The following PKD1 variants were observed in gnomAD, a reference collection of about 807,000 sequenced individuals.
PKD1 encodes the protein polycystin-1.
In PKD1, 81 loss-of-function variants were observed where a neutral mutation model predicts 361.7. The ratio of observed to expected loss-of-function variants is 0.22; its 90% CI spans 0.19 to 0.27. The LOEUF (loss-of-function observed/expected upper bound fraction) is 0.27, where lower values mean the gene tolerates loss of function less well. Among genes scored for constraint, PKD1 ranks in the 10% least tolerant of loss-of-function variants. PKD1 has a pLI of 1.00. For synonymous variants in PKD1, 3,615 were observed against 2,818.3 expected (o/e 1.28, Z -8.95); for missense variants, 6,399 against 6,118.3 (o/e 1.05, Z -1.53).
chr16:2,116,043 G>A lies in PKD1; in HGVS notation c.1798C>T (p.Arg600Trp), dbSNP rs773433966. 3.5e-5 allele frequency: 50 copies of A among 1,409,106 alleles called. No homozygotes were observed. Among genetic ancestry groups the A allele is most frequent in the Middle Eastern group, 2.7e-4 (1 of 3,664 alleles). 87.3% of individuals were successfully genotyped at this position (1,409,106 alleles called of 1,614,324 possible). A position where few individuals can be genotyped will look rare whatever the true frequency, so the allele number is the denominator to read the frequency against. The change falls in exon 9 of 46, where the codon CGG becomes TGG. Residue 600 changes from arginine (R) to tryptophan (W), a missense_variant. Arg to Trp is a moderately radical substitution (Grantham distance 101, BLOSUM62 -3). Coordinates refer to ENST00000262304, the MANE Select transcript of PKD1 (RefSeq NM_001009944.3). ...TGCAGCCGCAGCTGGGCGGGCCGCC[G>A]GAGCTCCTGGGTCCCAAATTCGGCC... Reference protein sequence around the residue: ...TTAEFGTQELRRPAQLRLQVY... With the variant: ...TTAEFGTQELWRPAQLRLQVY...
At chr16:2,093,169 C>A (rs1024653899) in intron 37 of PKD1, 76 bp from the exon 38 acceptor site, 1 of 1,559,486 alleles carries the variant, frequency 6.4e-7, no homozygotes, top group Non-Finnish European at 8.8e-7. Flanking sequence ...ACGGCTGGAG[C>A]CATGGCTGCG....
chr16:2,090,028 A>G lies in PKD1; in HGVS notation c.12611T>C (p.Leu4204Pro). 1.2e-6 allele frequency: 2 copies of G among 1,610,824 alleles called. No individual in the cohort carries two copies. Among genetic ancestry groups the G allele is most frequent in the Non-Finnish European group, 1.7e-6 (2 of 1,179,242 alleles). ...LDGLSVSLGR[L>P]GTRCEPEPSR... ...GGGCTCAGGCTCACACCTTGTCCCCAGCCGGCCCAGGCTCACGCTCAGCCC... is the reference window on the plus strand; with the variant it reads ...GGGCTCAGGCTCACACCTTGTCCCCGGCCGGCCCAGGCTCACGCTCAGCCC... Residue 4204 changes from leucine to proline, a missense_variant, in exon 46 of 46, where the codon CTG becomes CCG. Coordinates refer to ENST00000262304, the MANE Select transcript of PKD1 (RefSeq NM_001009944.3).
intron 6 of PKD1, among the ~76,000 whole-genome samples, 181 bp from the exon 7 acceptor site, chr16:2,117,234 G>C (rs553027652): frequency 1.1e-4 from 16 of 152,304 alleles, no homozygotes; most frequent in Admixed American, 8.5e-4. Flanking sequence ...CGGGGCCTGT[G>C]GGTACCGGCA....
At position 2,097,245 on chromosome 16, in the gene PKD1, G is replaced by C. The variant is rs151095649; in HGVS notation, c.10406-4C>G. 6.1e-5 allele frequency: 97 copies of C among 1,591,888 alleles called. 1 individual carries two copies. The South Asian group carries it at 9.7e-4, about 16-fold the overall frequency. On this transcript the variant is annotated splice_polypyrimidine_tract_variant and splice_region_variant and intron_variant, in intron 33 of 45. Coordinates refer to ENST00000262304, the MANE Select transcript of PKD1 (RefSeq NM_001009944.3). ...ACCTGCTGGATCAGGTCTTCATCTA[G>C]AGGTACAGGAGGCATAGGGTGGGCC...
In PKD1 at chr16:2,093,555, C is replaced by A; in HGVS notation, c.11005G>T (p.Gly3669Cys). 1 of 1,602,724 alleles carries A rather than the reference C, an allele frequency of 6.2e-7. No homozygotes were observed. Among genetic ancestry groups the A allele is most frequent in the Admixed American group, 1.7e-5 (1 of 58,788 alleles). The change falls in exon 37 of 46, where the codon GGC (glycine) becomes TGC (cysteine). Residue 3669 changes from glycine (G) to cysteine (C), a missense_variant. Physicochemically the swap from Gly to Cys is radical, Grantham distance 159. Transcript: ENST00000262304. ...EEARKVKRLH[G>C]MLRSLLVYML... is the part of the protein sequence containing the mutation. ...GCACCCAGGCTCACCCGCAGCATGC[C>A]ATGTAGCCTCTTGACCTTGCGGGCT... is the stretch of plus-strand genomic sequence containing the variant.
At position 2,106,761 on chromosome 16, in the gene PKD1, A is replaced by G; in HGVS notation, c.7209+44T>C. The G allele has an allele frequency of 6.7e-7, 1 of 1,501,600 alleles. No homozygotes were observed. 93.0% of individuals were successfully genotyped at this position (1,501,600 alleles called of 1,614,324 possible). A position where few individuals can be genotyped will look rare whatever the true frequency, so the allele number is the denominator to read the frequency against. ...GCCTGCAGGCCCCGTCCCCTCGGCC[A>G]TGGGACCCATCCCCAGCCCGCCCAC... On this transcript the variant is annotated intron_variant, in intron 17 of 45. Coordinates refer to ENST00000262304, the MANE Select transcript of PKD1 (RefSeq NM_001009944.3). This position sits in a 1 kb window ranked among gnomAD's most constrained non-coding sequence, Gnocchi z 6.5.
Position 2,103,554 on chromosome 16 carries a change from G to A in PKD1, c.8503C>T (p.Pro2835Ser), listed in dbSNP as rs768711016. 2.2e-5 allele frequency: 36 copies of A among 1,609,632 alleles called. No homozygotes were observed. The highest frequency in any genetic ancestry group is 4.4e-5 in the South Asian group (4 of 91,000). The change falls in exon 23 of 46, where the codon CCC becomes TCC. Residue 2835 changes from proline to serine, a missense_variant. By Grantham distance (74) the Pro-to-Ser change is moderately conservative (BLOSUM62 -1). Coordinates refer to ENST00000262304, the MANE Select transcript of PKD1 (RefSeq NM_001009944.3). ...LIFLVDSNPF[P>S]FGYISNYTVS... The stretch of plus-strand genomic sequence containing the variant: ...GTGTAGTTGCTGATATAGCCAAAGG[G>A]AAAGGGATTGGAGTCCACCAGAAAG...
In PKD1 at chr16:2,105,364, C is replaced by T. The variant is rs1313773261; in HGVS notation, c.7974G>A (p.Val2658=). 1.3e-6 allele frequency: 2 copies of T among 1,591,946 alleles called. No individual in the cohort carries two copies. The highest frequency in any genetic ancestry group is 1.3e-5 in the African/African-American group (1 of 74,342). The change falls in exon 21 of 46, where the codon GTG becomes GTA. Residue 2658 remains valine, a synonymous_variant. Transcript: ENST00000262304. The part of the protein sequence containing the change: ...ETLVSLRVHT[V]DDIQQIAAAL... ...CAGCAGCGATCTGCTGGATGTCATC[C>T]ACAGTGTGGACCCTCAGGGACACCA...
intron 21 of PKD1, 76 bp downstream of exon 21, chr16:2,105,246 C>G (rs2092297462): frequency 1.8e-5 from 27 of 1,479,882 alleles, no homozygotes; most frequent in Non-Finnish European, 2.5e-5. Context: ...GGCCAAGCTG[C>G]CCGTCTGCCC....
At chr16:2,090,860 C>T (rs1468902767) in intron 43 of PKD1, 24 bp downstream of exon 43, 12 of 1,607,882 alleles carry the variant, frequency 7.5e-6, no homozygotes, top group Non-Finnish European at 1.0e-5. Flanking sequence ...CGCCCAGCCC[C>T]GCGCCCACCG....
At position 2,091,864 on chromosome 16, in the gene PKD1, G is replaced by GC. The variant is rs1567153194; in HGVS notation, c.11453dup (p.Tyr3819LeufsTer142). ...GGCTCAGGCCCAGCTCCTGCACGTAGCCCCCGCTGTCATACACGGCACAGG... is the reference window on the plus strand; with the variant it reads ...GGCTCAGGCCCAGCTCCTGCACGTAGCCCCCCGCTGTCATACACGGCACAGG... On this transcript the variant is annotated frameshift_variant, in exon 41 of 46. Coordinates refer to ENST00000262304, the MANE Select transcript of PKD1 (RefSeq NM_001009944.3). LOFTEE classifies it high-confidence loss of function. The GC allele has an allele frequency of 6.2e-7, 1 of 1,610,788 alleles. No homozygotes were observed. The highest frequency in any genetic ancestry group is 8.5e-7 in the Non-Finnish European group (1 of 1,179,336).
chr16:2,127,644 G>A (rs1434750783), intron 1 of PKD1, among the ~76,000 whole-genome samples: 1 of 151,752 alleles, frequency 6.6e-6, no homozygotes, highest in African/African-American at 2.4e-5. Flanking sequence ...ACTTTAACAA[G>A]GTATGATTGT....
intron 1 of PKD1, among the ~76,000 whole-genome samples, chr16:2,131,692 G>A (rs377445166): frequency 1.5e-4 from 23 of 151,410 alleles, no homozygotes; most frequent in East Asian, 5.8e-4. Flanking sequence ...GCGTGGTGGC[G>A]CGCGCCTCTA....
At chr16:2,114,022 G>C in intron 11 of PKD1, 148 bp downstream of exon 11, 1 of 697,230 alleles carries the variant, frequency 1.4e-6, no homozygotes, top group East Asian at 2.7e-5. Flanking sequence ...GTAGCCCGAG[G>C]AGCCAGCCAG....
rs755997049 is a variant in PKD1, at chr16:2,108,570, C to A, written c.6597G>T (p.Gly2199=). Residue 2199 remains glycine, a synonymous_variant, in exon 15 of 46, where the codon GGG becomes GGT. Transcript: ENST00000262304. The part of the protein sequence containing the change: ...VYRTASCQRP[G]RPARVALPGV... ...CGGGCAGGGCCACACGCGCTGGGCG[C>A]CCCGGCCGCTGGCAGCTGGCGGTGC... 62 of 1,569,008 alleles carry A rather than the reference C, an allele frequency of 4.0e-5. No homozygotes were observed. The highest frequency in any genetic ancestry group is 5.2e-5 in the Non-Finnish European group (60 of 1,157,284).
Position 2,089,694 on chromosome 16 carries a change from G to T in PKD1, c.*33C>A. ...AGTAATACTGAGCGGTGTCCACTCCGACTCCACGGCCCACCCCCGCCAGGA... is the reference window on the plus strand; with the variant it reads ...AGTAATACTGAGCGGTGTCCACTCCTACTCCACGGCCCACCCCCGCCAGGA... On this transcript the variant is annotated 3_prime_UTR_variant, in exon 46 of 46. Transcript: ENST00000262304. 6.4e-7 allele frequency: 1 copy of T among 1,554,662 alleles called. No individual in the cohort carries two copies. Among genetic ancestry groups the T allele is most frequent in the South Asian group, 1.2e-5 (1 of 84,442 alleles).
chr16:2,091,689 C>T (rs1235635640), intron 41 of PKD1, 92 bp from the exon 42 acceptor site: 6 of 1,566,220 alleles, frequency 3.8e-6, no homozygotes, highest in South Asian at 1.2e-5. Flanking sequence ...GCTGTGGAAG[C>T]CGCCTAGGCC....
rs777483574 is a variant in PKD1, at chr16:2,089,629, C to T, written c.*98G>A. On this transcript the variant is annotated 3_prime_UTR_variant, in exon 46 of 46. Transcript: ENST00000262304. Reference sequence around the variant, plus strand: ...GCCTGCTCTCTGGGGAACCTACGTGCAGCCATTCTGCCTGGCCCTCGGCCT... The same window carrying T: ...GCCTGCTCTCTGGGGAACCTACGTGTAGCCATTCTGCCTGGCCCTCGGCCT... 3.5e-6 allele frequency: 5 copies of T among 1,430,758 alleles called. No individual in the cohort carries two copies. The highest frequency in any genetic ancestry group is 2.5e-5 in the East Asian group (1 of 39,848). The allele number at this position is 1,430,758 out of a possible 1,614,324, so 88.6% of individuals were successfully genotyped here. A position where few individuals can be genotyped will look rare whatever the true frequency, so the allele number is the denominator to read the frequency against.
chr16:2,125,360 G>A (rs1248310146), intron 1 of PKD1, among the ~76,000 whole-genome samples: 1 of 152,202 alleles, frequency 6.6e-6, no homozygotes, highest in Non-Finnish European at 1.5e-5. Context: ...CAGGCCCCAA[G>A]CAACAGAGCC....
Sources: gnomAD v4.1 joint callset for allele counts (sites outside exome capture counted in the v4.1 genomes callset) on GRCh38, gnomAD v4.1.1 for gene constraint, Gnocchi (gnomAD v3.1) non-coding constraint, MANE v1.5 for transcripts, NCBI Gene and HGNC (gene_info 2026-07-23, HGNC 2026-07-21) for gene names.